The following PPP1R9A variants were observed in gnomAD, a reference collection of about 807,000 sequenced individuals.
The protein encoded by PPP1R9A is neurabin-1.
A neutral mutation model predicts 141.9 loss-of-function variants in PPP1R9A; 59 were observed. That is an observed-to-expected ratio of 0.42 (90% confidence interval 0.34 to 0.52). The LOEUF is 0.52. Ranked by LOEUF, PPP1R9A falls within the 20% of genes least tolerant of loss-of-function variation. PPP1R9A has a pLI of 0.10. For missense variants in PPP1R9A, 1,444 were observed against 1,611.9 expected (o/e 0.90, Z 1.78); for synonymous variants, 500 against 569.7 (o/e 0.88, Z 1.74).
chr7:95,223,408 A>G (rs2002940421), intron 7 of PPP1R9A, among the ~76,000 whole-genome samples: 1 of 152,092 alleles, frequency 6.6e-6, no homozygotes, highest in African/African-American at 2.4e-5. Context: ...TAAGGTTGTT[A>G]GTATAATATA....
intron 2 of PPP1R9A, among the ~76,000 whole-genome samples, chr7:94,921,572 C>T (rs1183171861): frequency 6.6e-6 from 1 of 151,836 alleles, no homozygotes; most frequent in Non-Finnish European, 1.5e-5. Context: ...CATAAATTTG[C>T]ACTTTTCATT....
intron 2 of PPP1R9A, among the ~76,000 whole-genome samples, chr7:94,920,677 T>C (rs1181513233): frequency 6.6e-6 from 1 of 152,196 alleles, no homozygotes; most frequent in Non-Finnish European, 1.5e-5. Context: ...TCCAAGTTGT[T>C]TTCCATGCCA....
intron 2 of PPP1R9A, among the ~76,000 whole-genome samples, chr7:95,050,937 G>T (rs1201424745): frequency 6.6e-6 from 1 of 152,096 alleles, no homozygotes; most frequent in African/African-American, 2.4e-5. Flanking sequence ...TGCCAAACTT[G>T]TTTACTGGCA....
chr7:94,923,651 T>C (rs186021634), intron 2 of PPP1R9A, among the ~76,000 whole-genome samples: 4 of 152,338 alleles, frequency 2.6e-5, no homozygotes, highest in Admixed American at 2.6e-4. Flanking sequence ...ATTTGATGTA[T>C]GGTTAGACTA....
intron 5 of PPP1R9A, among the ~76,000 whole-genome samples, chr7:95,196,116 A>T (rs2152848290): frequency 6.6e-6 from 1 of 152,134 alleles, no homozygotes; most frequent in East Asian, 1.9e-4. Context: ...TCTATAAAGA[A>T]CAATTATAAC....
intron 2 of PPP1R9A, among the ~76,000 whole-genome samples, chr7:95,063,540 G>A (rs902747048): frequency 1.3e-5 from 2 of 152,056 alleles, no homozygotes; most frequent in African/African-American, 4.8e-5. Flanking sequence ...ACTCCAGCCT[G>A]GGCAACAGAG....
In PPP1R9A at chr7:95,202,487, GATTTA is replaced by G. The variant is rs1482972725; in HGVS notation, c.1891-1173_1891-1169del. ...ATATCTGAATATATCTGTGATTCAT[GATTTA>G]ATTTCTGTTTAATCGAAGTATTGAT... is the stretch of plus-strand genomic sequence containing the variant. On this transcript the variant is annotated intron_variant, in intron 6 of 19. Transcript: ENST00000433360. 5 of 389,498 alleles carry G rather than the reference GATTTA, an allele frequency of 1.3e-5. 1 individual carries two copies. Among genetic ancestry groups the G allele is most frequent in the African/African-American group, 1.1e-4 (5 of 45,550 alleles). 24.1% of individuals were successfully genotyped at this position (389,498 alleles called of 1,614,324 possible).
intron 2 of PPP1R9A, among the ~76,000 whole-genome samples, chr7:94,936,128 G>A (rs971889045): frequency 2.0e-5 from 3 of 152,048 alleles, no homozygotes; most frequent in Non-Finnish European, 2.9e-5. Flanking sequence ...TTGATGTCTG[G>A]GTACCAGAGA....
chr7:95,270,303 T>G (rs1801969216), intron 14 of PPP1R9A, among the ~76,000 whole-genome samples: 1 of 152,164 alleles, frequency 6.6e-6, no homozygotes, highest in Admixed American at 6.5e-5. Flanking sequence ...TCTAGAATTT[T>G]TAAAAAGTGT....
At chr7:94,984,074 A>G (rs1186598219) in intron 2 of PPP1R9A, among the ~76,000 whole-genome samples, 4 of 152,186 alleles carry the variant, frequency 2.6e-5, no homozygotes, top group Non-Finnish European at 5.9e-5. Flanking sequence ...CCTTTTTTGC[A>G]TCTATTGAGA....
At chr7:94,962,908 A>G (rs1280941240) in intron 2 of PPP1R9A, among the ~76,000 whole-genome samples, 1 of 152,124 alleles carries the variant, frequency 6.6e-6, no homozygotes, top group Non-Finnish European at 1.5e-5. Flanking sequence ...CCACAGAATA[A>G]CAGGATAATT....
At chr7:95,042,261 G>A (rs994289898) in intron 2 of PPP1R9A, among the ~76,000 whole-genome samples, 3 of 152,126 alleles carry the variant, frequency 2.0e-5, no homozygotes, top group Admixed American at 6.6e-5. Flanking sequence ...TAAGGAATAC[G>A]TGATACTCAT....
chr7:94,981,531 C>T (rs1246752375), intron 2 of PPP1R9A, among the ~76,000 whole-genome samples: 2 of 152,160 alleles, frequency 1.3e-5, no homozygotes, highest in East Asian at 3.8e-4. Context: ...GCCACTGTGC[C>T]TGGCCTACGT....
chr7:95,262,673 C>G (rs17166735), intron 12 of PPP1R9A, among the ~76,000 whole-genome samples: 20,337 of 152,030 alleles, frequency 0.13, 1,499 homozygotes, highest in African/African-American at 0.17. Context: ...TATTAGATAT[C>G]AGATTGCACC....
chr7:95,228,490 A>T (rs1188377360), intron 8 of PPP1R9A, among the ~76,000 whole-genome samples: 1 of 152,162 alleles, frequency 6.6e-6, no homozygotes, highest in Non-Finnish European at 1.5e-5. Context: ...GGCCAACATT[A>T]TTATCTAAAG....
Position 95,268,577 on chromosome 7 carries a change from A to G in PPP1R9A, c.2693A>G (p.Glu898Gly). The G allele has an allele frequency of 1.2e-6, 2 of 1,613,378 alleles. No individual in the cohort carries two copies. Among genetic ancestry groups the G allele is most frequent in the African/African-American group, 1.3e-5 (1 of 74,996 alleles). The change falls in exon 13 of 20, where the codon GAG becomes GGG. Residue 898 changes from glutamate (E) to glycine (G), a missense_variant. This residue lies in a region of PPP1R9A where 488 missense variants were observed against 542.0 expected (regional missense o/e 0.90). Transcript: ENST00000433360. ...TTGAATGAAGCAGTCCCAGAGACAG[A>G]GCGCCTGGATTCAAAAGCACTGAAA... ...QDLNEAVPET[E>G]RLDSKALKTR...
At chr7:95,019,793 G>A (rs563683453) in intron 2 of PPP1R9A, among the ~76,000 whole-genome samples, 1 of 147,732 alleles carries the variant, frequency 6.8e-6, no homozygotes, top group Non-Finnish European at 1.5e-5. Context: ...TAAACAGTTT[G>A]GCAATTGCTT....
At chr7:95,013,829 G>A (rs1392235207) in intron 2 of PPP1R9A, among the ~76,000 whole-genome samples, 1 of 151,954 alleles carries the variant, frequency 6.6e-6, no homozygotes, top group East Asian at 1.9e-4. Context: ...CAAGTTTTTA[G>A]CATTTTCTCT....
intron 2 of PPP1R9A, among the ~76,000 whole-genome samples, chr7:95,049,398 T>A (rs755971400): frequency 2.6e-5 from 4 of 152,170 alleles, no homozygotes; most frequent in Non-Finnish European, 5.9e-5. Flanking sequence ...TAGAGCAGTT[T>A]TAGGTTCATA....
Sources: gnomAD v4.1 joint callset for allele counts (sites outside exome capture counted in the v4.1 genomes callset) on GRCh38, gnomAD v4.1.1 for gene constraint, gnomAD v4.1.1 regional missense constraint, MANE v1.5 for transcripts, NCBI Gene and HGNC (gene_info 2026-07-23, HGNC 2026-07-21) for gene names.